NRG1: variants seen among roughly 807,000 people sequenced by gnomAD.
NRG1 encodes pro-neuregulin-1, membrane-bound isoform.
Under a neutral mutation model 63.8 loss-of-function variants are expected in NRG1, and 18 were observed. The observed-to-expected ratio is 0.28, with a 90% CI of 0.19 to 0.42. The LOEUF (loss-of-function observed/expected upper bound fraction) is 0.42. NRG1 is among the 10% of genes least tolerant of loss of function. NRG1 has a pLI of 1.00. For synonymous variants in NRG1, 302 were observed against 301.3 expected (o/e 1.00, Z -0.02); for missense variants, 762 against 814.7 (o/e 0.94, Z 0.79).
At chr8:32,277,950 G>C (rs1328755344) in intron 1 of NRG1, among the ~76,000 whole-genome samples, 1 of 152,226 alleles carries the variant, frequency 6.6e-6, no homozygotes, top group African/African-American at 2.4e-5. Context: ...CTGCTCCAAT[G>C]AAGGGGATTA....
chr8:32,752,424 T>C (rs1390873772), intron 7 of NRG1, among the ~76,000 whole-genome samples: 2 of 152,162 alleles, frequency 1.3e-5, no homozygotes, highest in African/African-American at 4.8e-5. Context: ...GCACACAAAA[T>C]CCGTGATACC....
chr8:32,513,174 TG>T (rs1829410915), intron 1 of NRG1, among the ~76,000 whole-genome samples: 1 of 131,614 alleles, frequency 7.6e-6, no homozygotes, highest in South Asian at 2.3e-4. Flanking sequence ...GAAGCTGGTG[TG>T]TGTGTGTGTG....
chr8:31,733,864 A>G (rs767820576), intron 1 of NRG1, among the ~76,000 whole-genome samples: 2 of 152,148 alleles, frequency 1.3e-5, no homozygotes, highest in African/African-American at 2.4e-5. Flanking sequence ...GAAAGATGTA[A>G]GTTTTCCATT....
At chr8:31,810,800 A>G (rs1563430015) in intron 1 of NRG1, among the ~76,000 whole-genome samples, 2 of 152,178 alleles carry the variant, frequency 1.3e-5, no homozygotes, top group African/African-American at 2.4e-5. Flanking sequence ...TATGGGACTG[A>G]TGACTTCTCC....
At chr8:31,765,524 G>GT (rs921799795) in intron 1 of NRG1, among the ~76,000 whole-genome samples, 1 of 152,128 alleles carries the variant, frequency 6.6e-6, no homozygotes, top group African/African-American at 2.4e-5. Flanking sequence ...GTTTCTGAGA[G>GT]TTTTTATCAG....
intron 1 of NRG1, among the ~76,000 whole-genome samples, chr8:31,981,329 A>G (rs1586235850): frequency 6.6e-6 from 1 of 152,166 alleles, no homozygotes; most frequent in East Asian, 1.9e-4. Context: ...TTTTCCTAAA[A>G]AAACCCACTT....
At chr8:31,643,970 CAT>C (rs1349057701) in intron 1 of NRG1, among the ~76,000 whole-genome samples, 1 of 152,110 alleles carries the variant, frequency 6.6e-6, no homozygotes, top group East Asian at 1.9e-4. Flanking sequence ...AAGATGTATA[CAT>C]GTATGCATGT....
chr8:32,297,425 A>T (rs901369573), intron 1 of NRG1, among the ~76,000 whole-genome samples: 2 of 152,166 alleles, frequency 1.3e-5, no homozygotes, highest in Non-Finnish European at 2.9e-5. Context: ...TGTAATGTAT[A>T]ATCAGTTACT....
intron 1 of NRG1, among the ~76,000 whole-genome samples, chr8:31,816,602 C>T (rs1482778093): frequency 6.6e-6 from 1 of 152,106 alleles, no homozygotes; most frequent in Non-Finnish European, 1.5e-5. Flanking sequence ...TTCTTTATAT[C>T]CTCACTTTGT....
chr8:31,746,238 A>G (rs1038457463), intron 1 of NRG1, among the ~76,000 whole-genome samples: 6 of 152,000 alleles, frequency 3.9e-5, no homozygotes, highest in Admixed American at 3.3e-4. Flanking sequence ...GCTTTTGTGG[A>G]AAAACACTAA....
chr8:32,571,312 C>T (rs955134484), intron 1 of NRG1, among the ~76,000 whole-genome samples: 3 of 152,174 alleles, frequency 2.0e-5, no homozygotes, highest in Admixed American at 2.0e-4. Context: ...GCTTGGGATG[C>T]TTGTAAATTC....
At chr8:32,444,555 C>T (rs1792576606) in intron 1 of NRG1, among the ~76,000 whole-genome samples, 1 of 152,208 alleles carries the variant, frequency 6.6e-6, no homozygotes, top group African/African-American at 2.4e-5. Flanking sequence ...GCCAAGGTAA[C>T]ATGAACTAAA....
At chr8:32,349,837 C>T (rs771758198) in intron 1 of NRG1, among the ~76,000 whole-genome samples, 11 of 152,182 alleles carry the variant, frequency 7.2e-5, no homozygotes, top group African/African-American at 1.4e-4. Flanking sequence ...TCCATATAGC[C>T]ATCTTCTTTC....
intron 1 of NRG1, among the ~76,000 whole-genome samples, chr8:31,737,127 T>C (rs181621061): frequency 1.6e-4 from 24 of 152,210 alleles, no homozygotes; most frequent in African/African-American, 5.5e-4. Flanking sequence ...AGATGTAACA[T>C]AGATTTTATT....
upstream of NRG1, among the ~76,000 whole-genome samples, chr8:32,546,936 C>T (rs952199008): frequency 1.2e-4 from 19 of 152,112 alleles, no homozygotes; most frequent in Admixed American, 1.1e-3. Flanking sequence ...CAGAAAATAC[C>T]GTGAGAAGGT....
At chr8:32,625,878 C>T (rs1849164996) in intron 5 of NRG1, among the ~76,000 whole-genome samples, 1 of 150,142 alleles carries the variant, frequency 6.7e-6, no homozygotes, top group African/African-American at 2.5e-5. Context: ...ACTGCAACCT[C>T]GGCCTCCCGG....
chr8:32,081,677 C>T (rs543500816), intron 1 of NRG1, among the ~76,000 whole-genome samples: 8 of 151,884 alleles, frequency 5.3e-5, no homozygotes, highest in Non-Finnish European at 1.2e-4. Flanking sequence ...TACTTTTTTC[C>T]AATAGATATA....
At chr8:32,118,308 C>G (rs1459361007) in intron 1 of NRG1, among the ~76,000 whole-genome samples, 2 of 151,934 alleles carry the variant, frequency 1.3e-5, no homozygotes, top group African/African-American at 4.8e-5. Flanking sequence ...GAGTTGTCCC[C>G]CGACTCGCCG....
At chr8:32,082,574 C>T (rs559118031) in intron 1 of NRG1, among the ~76,000 whole-genome samples, 1 of 152,230 alleles carries the variant, frequency 6.6e-6, no homozygotes, top group Admixed American at 6.5e-5. Flanking sequence ...GCCTCTAGAA[C>T]TTGAGGTTCA....
Sources: allele counts gnomAD v4.1 joint callset (sites outside exome capture counted in the v4.1 genomes callset), GRCh38; gene constraint gnomAD v4.1.1; transcripts MANE v1.5; gene names NCBI Gene and HGNC (gene_info 2026-07-23, HGNC 2026-07-21).